Variants in ABCA3 observed in about 807,000 individuals in gnomAD.
ABCA3 encodes the protein ATP binding cassette subfamily A member 3.
Under a neutral mutation model 172.8 loss-of-function variants are expected in ABCA3, and 88 were observed. That is an observed-to-expected ratio of 0.51 (90% CI 0.43 to 0.61). ABCA3 has a LOEUF of 0.61. Among genes scored for constraint, ABCA3 ranks in the 20% least tolerant of loss-of-function variants. ABCA3 has a pLI of 0.00. For missense variants in ABCA3, 2,164 were observed against 2,301.0 expected (o/e 0.94, Z 1.22); for synonymous variants, 1,066 against 983.8 (o/e 1.08, Z -1.56).
intron 12 of ABCA3, among the ~76,000 whole-genome samples, chr16:2,301,026 C>A (rs568994792): frequency 1.3e-4 from 19 of 149,738 alleles, no homozygotes; most frequent in Admixed American, 7.3e-4. Context: ...GTCAGGAGAT[C>A]GAGACCATCC....
At position 2,323,771 on chromosome 16, in the gene ABCA3, G is replaced by A. The variant is rs112890021; in HGVS notation, c.448-83C>T. ...ACAGGGTGGAGTGGGAGAGCGCTTG[G>A]GGGGCTGTCACAGCCGAGAACTCAC... is the stretch of plus-strand genomic sequence containing the variant. On this transcript the variant is annotated intron_variant, in intron 6 of 32. Coordinates refer to ENST00000301732, the MANE Select transcript of ABCA3 (RefSeq NM_001089.3). The A allele has an allele frequency of 1.1e-4, 164 of 1,532,082 alleles. 3 individuals carry two copies. In the African/African-American group the frequency reaches 1.8e-3, roughly 17 times the overall value. 94.9% of individuals were successfully genotyped at this position (1,532,082 alleles called of 1,614,324 possible). A position where few individuals can be genotyped will look rare whatever the true frequency, so the allele number is the denominator to read the frequency against.
intron 1 of ABCA3, among the ~76,000 whole-genome samples, chr16:2,335,372 T>G (rs1043434659): frequency 1.3e-5 from 2 of 152,168 alleles, no homozygotes; most frequent in African/African-American, 4.8e-5. Flanking sequence ...CCGGCTGGAA[T>G]GCAGTGGTGT....
intron 18 of ABCA3, among the ~76,000 whole-genome samples, chr16:2,292,904 G>C (rs2093674242): frequency 6.6e-6 from 1 of 152,118 alleles, no homozygotes; most frequent in Admixed American, 6.5e-5. Context: ...GCGGTGAGCT[G>C]AGATCGCACC....
In ABCA3 at chr16:2,276,157, A is replaced by AG. The variant is rs1420914930; in HGVS notation, c.*516dup. The AG allele has an allele frequency of 2.8e-6, 1 of 361,930 alleles. No homozygotes were observed. Among genetic ancestry groups the AG allele is most frequent in the Non-Finnish European group, 5.5e-6 (1 of 180,532 alleles). The allele number at this position is 361,930 out of a possible 1,614,324, so 22.4% of individuals were successfully genotyped here. A position where few individuals can be genotyped will look rare whatever the true frequency, so the allele number is the denominator to read the frequency against. ...TGCCCCCGGGCTGCGCTGGACGCTA[A>AG]GACCCCAGCACCTAATCACAGTCAG... On this transcript the variant is annotated 3_prime_UTR_variant, in exon 33 of 33. Coordinates refer to ENST00000301732, the MANE Select transcript of ABCA3 (RefSeq NM_001089.3).
In ABCA3 at chr16:2,287,847, G is replaced by A. The variant is rs1341184634; in HGVS notation, c.3004+179C>T. 1.3e-5 allele frequency among the ~76,000 whole-genome samples: 2 copies of A among 152,218 alleles called. No individual in the cohort carries two copies. Among genetic ancestry groups the A allele is most frequent in the Non-Finnish European group, 2.9e-5 (2 of 68,038 alleles). ...GGACATCCGCAATGTTTCCAGGCAT[G>A]TTTGATGGTCATGATGGGGTGGGGC... On this transcript the variant is annotated intron_variant, in intron 21 of 32. Coordinates refer to ENST00000301732, the MANE Select transcript of ABCA3 (RefSeq NM_001089.3). The surrounding 1 kb of genome is among the most constrained non-coding windows in gnomAD (Gnocchi z 4.1).
intron 18 of ABCA3, among the ~76,000 whole-genome samples, chr16:2,295,292 T>A (rs1394731420): frequency 1.3e-5 from 2 of 152,218 alleles, no homozygotes; most frequent in African/African-American, 2.4e-5. Flanking sequence ...GTGTTGAGCC[T>A]GGTGTCAGAA....
intron 1 of ABCA3, chr16:2,332,279 A>G: frequency 1.8e-6 from 1 of 546,328 alleles, no homozygotes; most frequent in Non-Finnish European, 3.3e-6. Context: ...AAATCTGTTT[A>G]TTATACAGGT....
At chr16:2,291,568 G>C (rs1242533331) in intron 19 of ABCA3, among the ~76,000 whole-genome samples, 1 of 152,208 alleles carries the variant, frequency 6.6e-6, no homozygotes, top group Non-Finnish European at 1.5e-5. Flanking sequence ...CCGTGTGCCA[G>C]CTAGACCCGT....
chr16:2,328,704 C>T lies in ABCA3; in HGVS notation c.-278G>A, dbSNP rs2141744073. The T allele has an allele frequency of 2.8e-6, 1 of 363,082 alleles. No homozygotes were observed. The highest frequency in any genetic ancestry group is 7.3e-5 in the East Asian group (1 of 13,608). 22.5% of individuals were successfully genotyped at this position (363,082 alleles called of 1,614,324 possible). ...CGTCCTTCATGTGCGGAAAAGCCTCCTTGACTCACAGTGGAAGAGTTTCAG... is the reference window on the plus strand; with the variant it reads ...CGTCCTTCATGTGCGGAAAAGCCTCTTTGACTCACAGTGGAAGAGTTTCAG... On this transcript the variant is annotated 5_prime_UTR_variant, in exon 3 of 33. Transcript: ENST00000301732.
chr16:2,291,387 G>C (rs2045389529), intron 19 of ABCA3, among the ~76,000 whole-genome samples: 1 of 151,916 alleles, frequency 6.6e-6, no homozygotes, highest in Admixed American at 6.5e-5. Flanking sequence ...CTTGGCTCAA[G>C]TGATCGCCTG....
chr16:2,309,535 G>T (rs2093703234), intron 10 of ABCA3, among the ~76,000 whole-genome samples: 1 of 152,244 alleles, frequency 6.6e-6, no homozygotes, highest in South Asian at 2.1e-4. Context: ...GGAGCCGGAA[G>T]AGGTGAGAGA....
At chr16:2,306,988 C>G (rs1387862949) in intron 11 of ABCA3, among the ~76,000 whole-genome samples, 1 of 130,500 alleles carries the variant, frequency 7.7e-6, no homozygotes, top group Admixed American at 8.8e-5. Flanking sequence ...GCCCTCCAGC[C>G]TGGGTGAAAG....
intron 7 of ABCA3, 186 bp downstream of exon 7, chr16:2,323,337 T>C: frequency 1.4e-6 from 1 of 734,106 alleles, no homozygotes; most frequent in South Asian, 1.6e-5. Flanking sequence ...ATCATGCTGC[T>C]ATAAGGACAC....
Position 2,314,575 on chromosome 16 carries a change from T to C in ABCA3, c.1111+2708A>G, listed in dbSNP as rs1432872111. 2.0e-5 allele frequency among the ~76,000 whole-genome samples: 3 copies of C among 147,376 alleles called. No homozygotes were observed. The South Asian group carries it at 6.5e-4, about 32-fold the overall frequency. On this transcript the variant is annotated intron_variant, in intron 10 of 32. Coordinates refer to ENST00000301732, the MANE Select transcript of ABCA3 (RefSeq NM_001089.3). ...ATGTGAATGCTTAAAGCGGCCACAA[T>C]GGTAATTTTTTTTTTTTTGAGACCA...
intron 1 of ABCA3, among the ~76,000 whole-genome samples, chr16:2,339,839 G>T (rs1174236501): frequency 6.6e-6 from 1 of 152,282 alleles, no homozygotes; most frequent in Non-Finnish European, 1.5e-5. Context: ...AGGCCGTCCC[G>T]GCCCTTCTGA....
chr16:2,295,557 T>TATCCAAGATGG, intron 18 of ABCA3, 33 bp downstream of exon 18: 1 of 1,607,536 alleles, frequency 6.2e-7, no homozygotes, highest in Non-Finnish European at 8.5e-7. Flanking sequence ...ATCTTGGATG[T>TATCCAAGATGG]ATACCTGTGC....
At position 2,299,989 on chromosome 16, in the gene ABCA3, C is replaced by G. The variant is rs747844072; in HGVS notation, c.1611+16G>C. On this transcript the variant is annotated intron_variant, in intron 13 of 32. Transcript: ENST00000301732. ...CTGGCAGCCCCGGCCCTCCCTGTCC[C>G]CACAGGAGGCGGCACCTTGGACAGG... 4.3e-6 allele frequency: 7 copies of G among 1,612,248 alleles called. No individual in the cohort carries two copies. In the East Asian group the frequency reaches 1.3e-4, roughly 31 times the overall value.
rs141058709 is a variant in ABCA3 at position 2,279,007 on chromosome 16, C to T, written c.4483G>A (p.Val1495Met). The change falls in exon 29 of 33, where the codon GTG becomes ATG. Residue 1495 changes from valine (V) to methionine (M), a missense_variant. By Grantham distance (21) the Val-to-Met change is conservative. Transcript: ENST00000301732. This position sits in a 1 kb window ranked among gnomAD's most constrained non-coding sequence, Gnocchi z 4.4. Reference protein sequence around the residue: ...GIPERHIGACVENTLRGLLLE... With the variant: ...GIPERHIGACMENTLRGLLLE... ...AGCAGGCCCCGCAGAGTGTTCTCCA[C>T]GCAGGCCCCGATGTGGCGCTCAGGG... 3.1e-6 allele frequency: 5 copies of T among 1,613,444 alleles called. No homozygotes were observed. Among genetic ancestry groups the T allele is most frequent in the Non-Finnish European group, 4.2e-6 (5 of 1,180,034 alleles).
rs1003818777 is a variant in ABCA3, at chr16:2,277,733, G to A, written c.4910-63C>T. On this transcript the variant is annotated intron_variant, in intron 31 of 32. Coordinates refer to ENST00000301732, the MANE Select transcript of ABCA3 (RefSeq NM_001089.3). The surrounding 1 kb of genome is among the most constrained non-coding windows in gnomAD (Gnocchi z 5.3). ...GCTGGAGGATCGGGGAGGGTGCCTG[G>A]GTGCTCAGCACTGGAGTCCTCGTCC... 6.2e-7 allele frequency: 1 copy of A among 1,605,520 alleles called. No individual in the cohort carries two copies. The highest frequency in any genetic ancestry group is 8.5e-7 in the Non-Finnish European group (1 of 1,175,230).
Sources: allele counts gnomAD v4.1 joint callset (sites outside exome capture counted in the v4.1 genomes callset), GRCh38; gene constraint gnomAD v4.1.1; non-coding constraint Gnocchi (gnomAD v3.1); transcripts MANE v1.5; gene names NCBI Gene and HGNC (gene_info 2026-07-23, HGNC 2026-07-21).